RRN3: variants seen among roughly 807,000 people sequenced by gnomAD.
The protein encoded by RRN3 is RNA polymerase I-specific transcription initiation factor RRN3.
A neutral mutation model predicts 82.3 loss-of-function variants in RRN3; 38 were observed. The observed-to-expected ratio is 0.46, with a 90% CI of 0.36 to 0.61. RRN3 has a LOEUF of 0.61. RRN3 is among the 20% of genes least tolerant of loss of function. RRN3 has a pLI of 0.00. For missense variants in RRN3, 726 were observed against 793.1 expected, an observed-to-expected ratio of 0.92 and a Z score of 1.02; for synonymous variants, 284 against 284.3, an observed-to-expected ratio of 1.00 and a Z score of 0.01.
intron 9 of RRN3, among the ~76,000 whole-genome samples, chr16:15,078,420 T>A (rs900584055): frequency 6.6e-5 from 10 of 151,916 alleles, no homozygotes; most frequent in African/African-American, 2.4e-4. Flanking sequence ...CAATTCTGCT[T>A]CCCCACCATC....
chr16:15,061,546 G>A lies in RRN3; in HGVS notation c.*198C>T. 2.1e-6 allele frequency: 1 copy of A among 465,812 alleles called. No homozygotes were observed. The highest frequency in any genetic ancestry group is 3.8e-6 in the Non-Finnish European group (1 of 260,872). 28.9% of individuals were successfully genotyped at this position (465,812 alleles called of 1,614,324 possible). A position where few individuals can be genotyped will look rare whatever the true frequency, so the allele number is the denominator to read the frequency against. On this transcript the variant is annotated 3_prime_UTR_variant, in exon 18 of 18. Coordinates refer to ENST00000198767, the MANE Select transcript of RRN3 (RefSeq NM_018427.5). ...GATTGCACATGATAGTCTTCATTTTGTCTGTAAGGGGAACAACAACAACAA... is the reference window on the plus strand; with the variant it reads ...GATTGCACATGATAGTCTTCATTTTATCTGTAAGGGGAACAACAACAACAA...
At chr16:15,067,997 G>A (rs2045049634) in intron 15 of RRN3, among the ~76,000 whole-genome samples, 172 bp downstream of exon 15, 2 of 151,844 alleles carry the variant, frequency 1.3e-5, no homozygotes. Flanking sequence ...CTGGCCTCAA[G>A]CAATCCTCCC....
chr16:15,094,320 C>T (rs1198312418), upstream of RRN3: 19 of 1,235,946 alleles, frequency 1.5e-5, no homozygotes, highest in East Asian at 1.3e-4. Flanking sequence ...TTGCGCGTGC[C>T]AGCGCAACCT....
chr16:15,086,232 T>C lies in RRN3; in HGVS notation c.369A>G (p.Gln123=), dbSNP rs776912588. Reference sequence around the variant, plus strand: ...AAGCCAAATACTCTTCCACTACTGTTTGACTTCTATTCAACCAAGGCAATC... The same window carrying C: ...AAGCCAAATACTCTTCCACTACTGTCTGACTTCTATTCAACCAAGGCAATC... ...ILRLPWLNRS[Q]TVVEEYLAFL... is the part of the protein sequence containing the mutation. The change falls in exon 5 of 18, where the codon CAA becomes CAG. Residue 123 remains glutamine, a synonymous_variant. Transcript: ENST00000198767. The C allele has an allele frequency of 1.9e-5, 30 of 1,585,076 alleles. No individual in the cohort carries two copies. The highest frequency in any genetic ancestry group is 2.5e-5 in the Non-Finnish European group (29 of 1,158,798).
At chr16:15,073,939 C>T (rs770871821) in intron 11 of RRN3, among the ~76,000 whole-genome samples, 8 of 152,126 alleles carry the variant, frequency 5.3e-5, no homozygotes, top group Non-Finnish European at 1.0e-4. Flanking sequence ...AAATGTTTAT[C>T]TTCAGCATCC....
At chr16:15,089,853 A>C (rs986141475) in intron 3 of RRN3, among the ~76,000 whole-genome samples, 4 of 149,824 alleles carry the variant, frequency 2.7e-5, no homozygotes, top group African/African-American at 4.9e-5. Context: ...GAAACGCTGA[A>C]GTTTTAAGAA....
In RRN3 at chr16:15,085,675, C is replaced by G; in HGVS notation, c.496G>C (p.Asp166His). 1 of 1,613,548 alleles carries G rather than the reference C, an allele frequency of 6.2e-7. No homozygotes were observed. Among genetic ancestry groups the G allele is most frequent in the South Asian group, 1.1e-5 (1 of 91,034 alleles). ...VPPRVIIKEG[D>H]VDVSDSDDED... is the part of the protein sequence containing the mutation. The stretch of plus-strand genomic sequence containing the variant: ...TCATCAGAATCTGAAACATCTACAT[C>G]GCCTTCCTTAATGATCACTCGGGCT... The change falls in exon 6 of 18, where the codon GAT (aspartate) becomes CAT (histidine). Residue 166 changes from aspartate to histidine, a missense_variant. Transcript: ENST00000198767.
At position 15,063,263 on chromosome 16, in the gene RRN3, G is replaced by C; in HGVS notation, c.1727C>G (p.Pro576Arg). Residue 576 changes from proline to arginine, a missense_variant, in exon 17 of 18, where the codon CCT (proline) becomes CGT (arginine). By Grantham distance (103) the Pro-to-Arg change is moderately radical (BLOSUM62 -2). Transcript: ENST00000198767. ...VLKRSKKFID[P>R]IYQVWEDMSA... Reference sequence around the variant, plus strand: ...CATGTCTTCCCACACCTGATAAATAGGATCAATGAATTTCTTTGACCTGTC... The same window carrying C: ...CATGTCTTCCCACACCTGATAAATACGATCAATGAATTTCTTTGACCTGTC... The C allele has an allele frequency of 1.9e-6, 3 of 1,612,932 alleles. No homozygotes were observed. The highest frequency in any genetic ancestry group is 2.5e-6 in the Non-Finnish European group (3 of 1,178,990).
intron 8 of RRN3, among the ~76,000 whole-genome samples, chr16:15,082,852 T>C (rs1474023421): frequency 6.6e-6 from 1 of 152,214 alleles, no homozygotes; most frequent in Non-Finnish European, 1.5e-5. Context: ...AATTCTTCTA[T>C]GGAAGGCTTT....
chr16:15,062,876 T>A (rs2044770015), intron 17 of RRN3, among the ~76,000 whole-genome samples: 1 of 152,234 alleles, frequency 6.6e-6, no homozygotes, highest in South Asian at 2.1e-4. Context: ...TGTGCTTTTT[T>A]AAAGAAAACA....
At chr16:15,069,167 G>A (rs554185732) in intron 14 of RRN3, among the ~76,000 whole-genome samples, 29 of 152,078 alleles carry the variant, frequency 1.9e-4, no homozygotes, top group African/African-American at 3.4e-4. Flanking sequence ...AGGAGACTGC[G>A]ACCCCCGCAG....
In RRN3 at chr16:15,061,391, C is replaced by T. The variant is rs1272289422; in HGVS notation, c.*353G>A. ...CTGACAAAAACCCATGTTAAAACAG[C>T]AACCCGTAAAACAGTCTGCTGCCTA... On this transcript the variant is annotated 3_prime_UTR_variant, in exon 18 of 18. Transcript: ENST00000198767. The T allele has an allele frequency of 1.7e-5, 4 of 236,842 alleles. No homozygotes were observed. Among genetic ancestry groups the T allele is most frequent in the Admixed American group, 5.6e-5 (1 of 17,840 alleles). The allele number at this position is 236,842 out of a possible 1,614,324, so 14.7% of individuals were successfully genotyped here. A position where few individuals can be genotyped will look rare whatever the true frequency, so the allele number is the denominator to read the frequency against.
intron 14 of RRN3, among the ~76,000 whole-genome samples, chr16:15,069,304 T>C (rs915426740): frequency 6.6e-6 from 1 of 152,102 alleles, no homozygotes; most frequent in African/African-American, 2.4e-5. Context: ...CCCCCGACGA[T>C]GAAGGATGAT....
At chr16:15,088,031 T>C (rs2045977680) in intron 3 of RRN3, among the ~76,000 whole-genome samples, 1 of 152,006 alleles carries the variant, frequency 6.6e-6, no homozygotes, top group Non-Finnish European at 1.5e-5. Context: ...GGAGAATTGC[T>C]TAAAAAACTC....
At chr16:15,065,456 AC>A (rs2044929257) in intron 15 of RRN3, 85 bp from the exon 16 acceptor site, 1 of 1,151,774 alleles carries the variant, frequency 8.7e-7, no homozygotes, top group African/African-American at 1.5e-5. Flanking sequence ...TGACAACTGT[AC>A]CTACCACAGA....
chr16:15,072,660 A>T, intron 12 of RRN3, among the ~76,000 whole-genome samples: 1 of 152,106 alleles, frequency 6.6e-6, no homozygotes, highest in East Asian at 1.9e-4. Context: ...AAAATTAGCC[A>T]GGCATGGTAA....
chr16:15,080,209 AAC>A (rs1345912258), intron 8 of RRN3, 113 bp from the exon 9 acceptor site: 1 of 1,335,714 alleles, frequency 7.5e-7, no homozygotes, highest in Non-Finnish European at 9.9e-7. Flanking sequence ...AAAAGAAAAA[AAC>A]AGACTATCCA....
At chr16:15,073,181 T>C in intron 11 of RRN3, 101 bp from the exon 12 acceptor site, 1 of 1,367,452 alleles carries the variant, frequency 7.3e-7, no homozygotes, top group South Asian at 1.2e-5. Flanking sequence ...AACAACATTA[T>C]CCAGCCAAGC....
intron 8 of RRN3, among the ~76,000 whole-genome samples, chr16:15,080,828 C>T (rs1597959262): frequency 3.5e-5 from 2 of 56,920 alleles, no homozygotes; most frequent in Admixed American, 5.5e-4. Flanking sequence ...ATGAATCTGC[C>T]TCTTTGACAT....
Sources: gnomAD v4.1 joint callset for allele counts (sites outside exome capture counted in the v4.1 genomes callset) on GRCh38, gnomAD v4.1.1 for gene constraint, MANE v1.5 for transcripts, NCBI Gene and HGNC (gene_info 2026-07-23, HGNC 2026-07-21) for gene names.